KCNIP4: variants seen among roughly 807,000 people sequenced by gnomAD.
The protein encoded by KCNIP4 is Kv channel-interacting protein 4.
In KCNIP4, 12 loss-of-function variants were observed where a neutral mutation model predicts 34.0. That is an observed-to-expected ratio of 0.35 (90% CI 0.23 to 0.57). KCNIP4 has a LOEUF of 0.57. KCNIP4 is among the 20% of genes least tolerant of loss of function. KCNIP4 has a pLI of 0.83. For synonymous variants in KCNIP4, 124 were observed against 102.2 expected (o/e 1.21, Z -1.29); for missense variants, 238 against 311.7 (o/e 0.76, Z 1.78).
At chr4:21,375,784 G>A (rs946883426) in intron 1 of KCNIP4, among the ~76,000 whole-genome samples, 4 of 151,926 alleles carry the variant, frequency 2.6e-5, no homozygotes, top group African/African-American at 9.7e-5. Context: ...TACCAGGATG[G>A]TCTTGATCTC....
At chr4:21,728,349 T>C (rs1208436240) in intron 1 of KCNIP4, among the ~76,000 whole-genome samples, 3 of 152,082 alleles carry the variant, frequency 2.0e-5, no homozygotes, top group East Asian at 1.9e-4. Flanking sequence ...CCACTCCACA[T>C]CGAGTCCATC....
intron 1 of KCNIP4, among the ~76,000 whole-genome samples, chr4:21,483,888 C>T (rs1577440339): frequency 6.6e-6 from 1 of 152,078 alleles, no homozygotes; most frequent in East Asian, 1.9e-4. Flanking sequence ...GTAAGATGTG[C>T]CTGCTTCCTC....
intron 3 of KCNIP4, among the ~76,000 whole-genome samples, chr4:20,839,174 G>A (rs1408082012): frequency 6.6e-6 from 1 of 152,048 alleles, no homozygotes; most frequent in African/African-American, 2.4e-5. Flanking sequence ...AAATCTGTAT[G>A]TGTGAATATA....
At chr4:21,151,183 T>C (rs1197078077) in intron 1 of KCNIP4, among the ~76,000 whole-genome samples, 1 of 152,128 alleles carries the variant, frequency 6.6e-6, no homozygotes, top group Non-Finnish European at 1.5e-5. Flanking sequence ...GTGTAGCTTG[T>C]CATAGGAGGT....
intron 1 of KCNIP4, among the ~76,000 whole-genome samples, chr4:20,944,589 C>G (rs1037517716): frequency 1.2e-4 from 18 of 152,224 alleles, no homozygotes; most frequent in Non-Finnish European, 2.6e-4. Context: ...GGCTGCCCCA[C>G]TGTGATGAGG....
At chr4:21,157,776 T>C (rs1486053185) in intron 1 of KCNIP4, among the ~76,000 whole-genome samples, 1 of 151,936 alleles carries the variant, frequency 6.6e-6, no homozygotes, top group Non-Finnish European at 1.5e-5. Context: ...AACATTTAAT[T>C]AGAAAAAGAA....
chr4:21,596,353 A>G (rs191134067), intron 1 of KCNIP4, among the ~76,000 whole-genome samples: 131 of 152,276 alleles, frequency 8.6e-4, no homozygotes, highest in Admixed American at 2.6e-3. Flanking sequence ...ACGAATAAAC[A>G]CATTTATATA....
chr4:21,217,814 T>C (rs1757696392), intron 1 of KCNIP4, among the ~76,000 whole-genome samples: 2 of 152,026 alleles, frequency 1.3e-5, no homozygotes. Context: ...GTGGTGTACA[T>C]CTAATGATGT....
intron 1 of KCNIP4, among the ~76,000 whole-genome samples, chr4:21,818,646 A>T (rs1722137622): frequency 6.6e-6 from 1 of 152,262 alleles, no homozygotes; most frequent in Non-Finnish European, 1.5e-5. Flanking sequence ...ACAGATATAG[A>T]ACATTTTCAT....
chr4:21,075,614 T>C (rs1438175507), intron 1 of KCNIP4, among the ~76,000 whole-genome samples: 1 of 152,230 alleles, frequency 6.6e-6, no homozygotes, highest in African/African-American at 2.4e-5. Context: ...CTGTGACTTT[T>C]AAGTGGAGCA....
At chr4:21,287,086 T>TC (rs1560254558) in intron 1 of KCNIP4, among the ~76,000 whole-genome samples, 2 of 152,236 alleles carry the variant, frequency 1.3e-5, no homozygotes, top group Admixed American at 6.5e-5. Flanking sequence ...TAGAGTCCTC[T>TC]CCCCCTGGAA....
At chr4:21,948,236 G>A (rs1408682546) in intron 1 of KCNIP4, among the ~76,000 whole-genome samples, 2 of 152,206 alleles carry the variant, frequency 1.3e-5, no homozygotes, top group Admixed American at 1.3e-4. Flanking sequence ...GAAGCGTGCG[G>A]TCTGGAGTCA....
intron 1 of KCNIP4, among the ~76,000 whole-genome samples, chr4:21,081,798 G>A (rs948004172): frequency 9.9e-5 from 15 of 151,770 alleles, no homozygotes; most frequent in Admixed American, 9.2e-4. Context: ...ATAGCTCACT[G>A]AATTCTGAGA....
rs554315269 is a variant in KCNIP4 at position 20,897,471 on chromosome 4, G to A, written c.62-14762C>T. ...TATTCTCTTTCAATTTTACCCCATA[G>A]GTTGGCTAATGTTATAGCCTAAATT... On this transcript the variant is annotated intron_variant, in intron 1 of 8. Coordinates refer to ENST00000382152, the MANE Select transcript of KCNIP4 (RefSeq NM_025221.6). Among the ~76,000 whole-genome samples the A allele has an allele frequency of 4.0e-4, 61 of 152,110 alleles. 1 individual carries two copies. In the South Asian group the frequency reaches 0.012, roughly 31 times the overall value.
At chr4:20,925,262 T>G (rs549280151) in intron 1 of KCNIP4, among the ~76,000 whole-genome samples, 115 of 152,172 alleles carry the variant, frequency 7.6e-4, no homozygotes, top group Non-Finnish European at 1.1e-3. Flanking sequence ...AAATAGGAAC[T>G]GGGTAAAAAT....
At chr4:21,282,803 A>G (rs1389133247) in intron 1 of KCNIP4, among the ~76,000 whole-genome samples, 4 of 152,186 alleles carry the variant, frequency 2.6e-5, no homozygotes, top group Non-Finnish European at 4.4e-5. Flanking sequence ...TTTCTTAAAC[A>G]TGACACAGTT....
chr4:20,778,751 G>C (rs1756593608), intron 3 of KCNIP4, among the ~76,000 whole-genome samples: 1 of 152,210 alleles, frequency 6.6e-6, no homozygotes, highest in African/African-American at 2.4e-5. Context: ...CAGAAGCCAA[G>C]AGTTAAGAAA....
At chr4:21,584,323 TTTTAA>T (rs1237784329) in intron 1 of KCNIP4, among the ~76,000 whole-genome samples, 6 of 152,036 alleles carry the variant, frequency 3.9e-5, no homozygotes, top group Non-Finnish European at 8.8e-5. Context: ...TGTAATCAGG[TTTTAA>T]TTTTTTAATT....
chr4:21,022,598 T>A (rs1024606382), intron 1 of KCNIP4, among the ~76,000 whole-genome samples: 1 of 152,194 alleles, frequency 6.6e-6, no homozygotes, highest in Non-Finnish European at 1.5e-5. Flanking sequence ...TTAGAACATA[T>A]GAGCAAGAAA....
Sources: allele counts gnomAD v4.1 joint callset (sites outside exome capture counted in the v4.1 genomes callset), GRCh38; gene constraint gnomAD v4.1.1; transcripts MANE v1.5; gene names NCBI Gene and HGNC (gene_info 2026-07-23, HGNC 2026-07-21).